GALNT11: variants seen among roughly 807,000 people sequenced by gnomAD.
The protein encoded by GALNT11 is polypeptide N-acetylgalactosaminyltransferase 11.
A neutral mutation model predicts 72.7 loss-of-function variants in GALNT11; 47 were observed. The observed-to-expected ratio is 0.65, with a 90% CI of 0.51 to 0.82. The LOEUF (loss-of-function observed/expected upper bound fraction) is 0.82, where lower values mean the gene tolerates loss of function less well. Ranked by LOEUF, GALNT11 falls within the 40% of genes least tolerant of loss-of-function variation. The pLI is 0.00. For missense variants in GALNT11, 677 were observed against 778.4 expected (o/e 0.87, Z 1.55); for synonymous variants, 270 against 286.6 (o/e 0.94, Z 0.58).
chr7:152,077,400 G>A (rs2085052638), intron 1 of GALNT11, among the ~76,000 whole-genome samples: 1 of 152,174 alleles, frequency 6.6e-6, no homozygotes, highest in Non-Finnish European at 1.5e-5. Flanking sequence ...GTGAGAGGCT[G>A]AGCAGTGTAG....
intron 1 of GALNT11, among the ~76,000 whole-genome samples, chr7:152,039,770 CA>C (rs1269397779): frequency 2.0e-5 from 3 of 152,166 alleles, no homozygotes; most frequent in Non-Finnish European, 4.4e-5. Flanking sequence ...TGGAGAAACA[CA>C]AGCATAACCT....
intron 1 of GALNT11, among the ~76,000 whole-genome samples, chr7:152,038,538 T>G (rs763760530): frequency 7.2e-5 from 11 of 152,234 alleles, no homozygotes; most frequent in Non-Finnish European, 1.6e-4. Context: ...CACGAGCATG[T>G]CACAGTGCTG....
intron 1 of GALNT11, among the ~76,000 whole-genome samples, chr7:152,076,228 G>T (rs2084970253): frequency 6.6e-6 from 1 of 152,040 alleles, no homozygotes; most frequent in African/African-American, 2.4e-5. Flanking sequence ...AGCTGTAAAG[G>T]CTCTCTTTAT....
Position 152,091,869 on chromosome 7 carries a change from C to A in GALNT11, c.-38-2321C>A, listed in dbSNP as rs117116800. 4.5e-4 allele frequency among the ~76,000 whole-genome samples: 69 copies of A among 152,272 alleles called. 1 individual carries two copies. In the East Asian group the frequency reaches 0.011, roughly 25 times the overall value. ...AGTGGGAATCAGGCTAAAGAAAACA[C>A]GAGAAACGACATCAGTGTCCATCTT... On this transcript the variant is annotated intron_variant, in intron 1 of 11. Coordinates refer to ENST00000430044, the MANE Select transcript of GALNT11 (RefSeq NM_022087.4).
At chr7:152,043,545 G>GAAA (rs2082972902) in intron 1 of GALNT11, among the ~76,000 whole-genome samples, 2 of 152,158 alleles carry the variant, frequency 1.3e-5, no homozygotes, top group African/African-American at 2.4e-5. Flanking sequence ...TATCTGGGGG[G>GAAA]TGTACTCTAA....
At chr7:152,068,554 A>T (rs1049820274) in intron 1 of GALNT11, among the ~76,000 whole-genome samples, 5 of 152,208 alleles carry the variant, frequency 3.3e-5, no homozygotes, top group Non-Finnish European at 7.3e-5. Context: ...TTGTGGGCAT[A>T]GAGTTATTTG....
At chr7:152,114,831 C>T (rs1038957480) in intron 8 of GALNT11, among the ~76,000 whole-genome samples, 1 of 152,132 alleles carries the variant, frequency 6.6e-6, no homozygotes, top group African/African-American at 2.4e-5. Flanking sequence ...CTGGTTGCTG[C>T]TGTATTTGTG....
intron 1 of GALNT11, among the ~76,000 whole-genome samples, chr7:152,055,691 A>G (rs897938567): frequency 6.6e-6 from 1 of 152,080 alleles, no homozygotes; most frequent in Admixed American, 6.6e-5. Context: ...ATCTTATTCT[A>G]TAAAGTATAT....
chr7:152,046,962 T>C (rs2083157178), intron 1 of GALNT11, among the ~76,000 whole-genome samples: 1 of 152,252 alleles, frequency 6.6e-6, no homozygotes, highest in African/African-American at 2.4e-5. Context: ...GTATCTATCA[T>C]ATGTTTTTAG....
chr7:152,077,064 C>T (rs1158851613), intron 1 of GALNT11, among the ~76,000 whole-genome samples: 1 of 152,168 alleles, frequency 6.6e-6, no homozygotes, highest in South Asian at 2.1e-4. Context: ...ACACCCCAGC[C>T]TGGGTGACAG....
At position 152,055,520 on chromosome 7, in the gene GALNT11, CGTGTGTGTGTGTGTGTGTGT is replaced by C. The variant is rs3031460; in HGVS notation, c.-39+29665_-39+29684del. 2.1e-3 allele frequency among the ~76,000 whole-genome samples: 286 copies of C among 136,510 alleles called. 1 individual carries two copies. The highest frequency in any genetic ancestry group is 7.0e-3 in the African/African-American group (258 of 37,036). 89.6% of individuals were successfully genotyped at this position (136,510 alleles called of 152,430 possible). Reference sequence around the variant, plus strand: ...TACGAGGTATTTGGTATATATAAAGCGTGTGTGTGTGTGTGTGTGTGTGTGTGTGTGTGTGTGTGTGTGTG... The same window carrying C: ...TACGAGGTATTTGGTATATATAAAGCGTGTGTGTGTGTGTGTGTGTGTGTG... On this transcript the variant is annotated intron_variant, in intron 1 of 11. Coordinates refer to ENST00000430044, the MANE Select transcript of GALNT11 (RefSeq NM_022087.4).
At chr7:152,028,268 A>G (rs555528135) in intron 1 of GALNT11, among the ~76,000 whole-genome samples, 10 of 152,268 alleles carry the variant, frequency 6.6e-5, no homozygotes, top group Non-Finnish European at 1.2e-4. Flanking sequence ...TGATTAGTCC[A>G]TTTTAGAGTG....
At chr7:152,068,083 C>T (rs540536764) in intron 1 of GALNT11, among the ~76,000 whole-genome samples, 4 of 152,240 alleles carry the variant, frequency 2.6e-5, no homozygotes, top group African/African-American at 9.6e-5. Flanking sequence ...CCACCAGGCC[C>T]CACCTCCAGC....
At chr7:152,074,468 G>C (rs759549170) in intron 1 of GALNT11, 1 of 152,134 alleles carries the variant, frequency 6.6e-6, no homozygotes, top group Non-Finnish European at 1.5e-5. Context: ...TGATTTCTGG[G>C]TTCTCTATTC....
intron 1 of GALNT11, among the ~76,000 whole-genome samples, chr7:152,073,129 A>G (rs1261457926): frequency 2.0e-5 from 3 of 152,196 alleles, no homozygotes; most frequent in African/African-American, 7.2e-5. Context: ...ATCATCTCAT[A>G]CATTTATCAT....
intron 1 of GALNT11, among the ~76,000 whole-genome samples, chr7:152,038,517 G>A (rs114371547): frequency 0.012 from 1,832 of 152,312 alleles, 36 homozygotes; most frequent in African/African-American, 0.041. Context: ...CCAGCATTGC[G>A]TCAAGGCCAT....
rs1247945829 is a variant in GALNT11 at position 152,108,224 on chromosome 7, T to C, written c.899T>C (p.Phe300Ser). 1.2e-6 allele frequency: 2 copies of C among 1,613,998 alleles called. No homozygotes were observed. The highest frequency in any genetic ancestry group is 1.7e-6 in the Non-Finnish European group (2 of 1,179,992). ...VRGGFNWGLH[F>S]KWDLVPLSEL... ...GGAGGGTTCAACTGGGGACTGCACT[T>C]CAAATGGGATCTTGTCCCCCTTTCT... The change falls in exon 6 of 12, where the codon TTC becomes TCC. Residue 300 changes from phenylalanine (F) to serine (S), a missense_variant. Phe to Ser is a radical substitution (Grantham distance 155, BLOSUM62 -2). Transcript: ENST00000430044.
Position 152,103,103 on chromosome 7 carries a change from T to G in GALNT11, c.420-9T>G. On this transcript the variant is annotated splice_polypyrimidine_tract_variant and intron_variant, in intron 3 of 11. Transcript: ENST00000430044. ...AAATGTCAGAATTTCCTCATCTTTA[T>G]CTTTACAGATGTAAAGAAAAGTTCT... 1 of 1,590,826 alleles carries G rather than the reference T, an allele frequency of 6.3e-7. No individual in the cohort carries two copies. Among genetic ancestry groups the G allele is most frequent in the Non-Finnish European group, 8.6e-7 (1 of 1,162,080 alleles).
At chr7:152,031,833 T>C (rs1171805532) in intron 1 of GALNT11, among the ~76,000 whole-genome samples, 1 of 152,202 alleles carries the variant, frequency 6.6e-6, no homozygotes, top group African/African-American at 2.4e-5. Flanking sequence ...ATTTGCCCTC[T>C]GGGTCTCCTT....
Sources: gnomAD v4.1 joint callset for allele counts (sites outside exome capture counted in the v4.1 genomes callset) on GRCh38, gnomAD v4.1.1 for gene constraint, MANE v1.5 for transcripts, NCBI Gene and HGNC (gene_info 2026-07-23, HGNC 2026-07-21) for gene names.